Variants in SPOCK3 observed in about 807,000 individuals in gnomAD.
SPOCK3 encodes testican-3.
Under a neutral mutation model 56.6 loss-of-function variants are expected in SPOCK3, and 30 were observed. The observed-to-expected ratio is 0.53, with a 90% CI of 0.40 to 0.72. The LOEUF is 0.72. Among genes scored for constraint, SPOCK3 ranks in the 30% least tolerant of loss-of-function variants. The pLI is 0.00. For missense variants in SPOCK3, 527 were observed against 530.0 expected, an observed-to-expected ratio of 0.99 and a Z score of 0.06; for synonymous variants, 196 against 183.3, an observed-to-expected ratio of 1.07 and a Z score of -0.56.
intron 2 of SPOCK3, among the ~76,000 whole-genome samples, chr4:167,198,480 TACATCTAAAATG>T (rs1256568771): frequency 1.3e-5 from 2 of 152,150 alleles, no homozygotes; most frequent in Non-Finnish European, 2.9e-5. Context: ...TGCCCACACA[TACATCTAAAATG>T]ACCAAATGTC....
chr4:167,196,533 T>TA (rs1022618468), intron 2 of SPOCK3, among the ~76,000 whole-genome samples: 1 of 152,062 alleles, frequency 6.6e-6, no homozygotes, highest in Non-Finnish European at 1.5e-5. Context: ...TTTTTACATT[T>TA]AGAGTGCCTT....
intron 7 of SPOCK3, among the ~76,000 whole-genome samples, chr4:166,788,935 TACTGATGCAA>T (rs1490192208): frequency 6.6e-6 from 1 of 151,142 alleles, no homozygotes; most frequent in Non-Finnish European, 1.5e-5. Flanking sequence ...TCAAATATAA[TACTGATGCAA>T]ACCCAAAATT....
At position 166,761,895 on chromosome 4, in the gene SPOCK3, T is replaced by TA. The variant is rs748340803; in HGVS notation, c.710-7167dup. Among the ~76,000 whole-genome samples, 451 of 103,434 alleles carry TA rather than the reference T, an allele frequency of 4.4e-3. 114 individuals are homozygous for TA. The highest frequency in any genetic ancestry group is 9.3e-3 in the East Asian group (21 of 2,254). The allele number at this position is 103,434 out of a possible 152,430, so 67.9% of individuals were successfully genotyped here. A position where few individuals can be genotyped will look rare whatever the true frequency, so the allele number is the denominator to read the frequency against. Reference sequence around the variant, plus strand: ...ATGTACCCTAAAACTTAGAGTATAATAAAAAAAAAAAAAAAAAAAAAAAAA... The same window carrying TA: ...ATGTACCCTAAAACTTAGAGTATAATAAAAAAAAAAAAAAAAAAAAAAAAAA... On this transcript the variant is annotated intron_variant, in intron 7 of 10. Transcript: ENST00000357545.
chr4:167,132,971 T>G (rs943415377), intron 2 of SPOCK3, among the ~76,000 whole-genome samples: 1 of 152,170 alleles, frequency 6.6e-6, no homozygotes, highest in Admixed American at 6.5e-5. Context: ...TTGACATGGA[T>G]GTATCTTTTT....
chr4:167,066,267 C>T (rs6839300), intron 2 of SPOCK3, among the ~76,000 whole-genome samples: 151,861 of 151,946 alleles, frequency 1, 75,888 homozygotes, highest in Non-Finnish European at 1. Flanking sequence ...GATAATTCTT[C>T]GTTGTGTTAG....
At chr4:166,767,362 G>C (rs1738236183) in intron 7 of SPOCK3, among the ~76,000 whole-genome samples, 1 of 152,118 alleles carries the variant, frequency 6.6e-6, no homozygotes, top group Admixed American at 6.6e-5. Flanking sequence ...TGCTTTAAAT[G>C]TGTCCCAGAG....
At chr4:167,154,167 A>G (rs919201813) in intron 2 of SPOCK3, among the ~76,000 whole-genome samples, 2 of 152,126 alleles carry the variant, frequency 1.3e-5, no homozygotes, top group Admixed American at 6.6e-5. Context: ...AGGGGTTCAT[A>G]GACTTCACGT....
At chr4:167,184,051 T>C (rs995986183) in intron 2 of SPOCK3, among the ~76,000 whole-genome samples, 5 of 152,194 alleles carry the variant, frequency 3.3e-5, no homozygotes, top group Non-Finnish European at 2.9e-5. Flanking sequence ...TAACTTCCCA[T>C]TTGTTCTTGT....
At chr4:167,186,615 A>G (rs1289279043) in intron 2 of SPOCK3, among the ~76,000 whole-genome samples, 1 of 151,980 alleles carries the variant, frequency 6.6e-6, no homozygotes, top group Admixed American at 6.5e-5. Flanking sequence ...CAACAAGAGC[A>G]AAACTCTGTC....
intron 3 of SPOCK3, among the ~76,000 whole-genome samples, chr4:167,059,854 G>A (rs1392595186): frequency 6.6e-6 from 1 of 152,074 alleles, no homozygotes; most frequent in Non-Finnish European, 1.5e-5. Flanking sequence ...CCTTTATAGC[G>A]ACATGGATGA....
intron 6 of SPOCK3, among the ~76,000 whole-genome samples, chr4:166,887,312 T>C (rs1734302816): frequency 6.6e-6 from 1 of 152,172 alleles, no homozygotes; most frequent in African/African-American, 2.4e-5. Flanking sequence ...TCAAAGTCTG[T>C]GATACATTAG....
At chr4:166,765,894 G>A (rs1187444420) in intron 7 of SPOCK3, among the ~76,000 whole-genome samples, 1 of 152,108 alleles carries the variant, frequency 6.6e-6, no homozygotes, top group East Asian at 1.9e-4. Flanking sequence ...CCTTGAAGAG[G>A]TCCTTCACAT....
chr4:167,234,202 G>C (rs765547309), intron 1 of SPOCK3, 29 bp from the exon 2 acceptor site: 6 of 1,608,686 alleles, frequency 3.7e-6, no homozygotes, highest in Non-Finnish European at 5.1e-6. Context: ...CGGGGGGTGG[G>C]GGGGCATGTC....
At chr4:166,749,975 T>C (rs11935104) in intron 8 of SPOCK3, among the ~76,000 whole-genome samples, 119,906 of 151,808 alleles carry the variant, frequency 0.79, 47,604 homozygotes, top group South Asian at 0.82. Context: ...TAATGTCTAC[T>C]TGAACACCCT....
chr4:166,778,183 A>T (rs1739778944), intron 7 of SPOCK3, among the ~76,000 whole-genome samples: 2 of 152,198 alleles, frequency 1.3e-5, no homozygotes, highest in Admixed American at 6.6e-5. Context: ...AAACATAAAT[A>T]TTTACAATAA....
intron 2 of SPOCK3, among the ~76,000 whole-genome samples, chr4:167,101,133 G>A (rs1252732756): frequency 6.6e-6 from 1 of 152,070 alleles, no homozygotes; most frequent in Non-Finnish European, 1.5e-5. Context: ...TTAAGTGGTG[G>A]CTGTTTTCTT....
In SPOCK3 at chr4:166,804,609, A is replaced by T. The variant is rs147003527; in HGVS notation, c.590-12320T>A. 3.3e-4 allele frequency among the ~76,000 whole-genome samples: 50 copies of T among 152,262 alleles called. No individual in the cohort carries two copies. The East Asian group carries it at 9.5e-3, about 29-fold the overall frequency. On this transcript the variant is annotated intron_variant, in intron 6 of 10. Coordinates refer to ENST00000357545, the MANE Select transcript of SPOCK3 (RefSeq NM_001040159.2). ...AAATACATGTTTTTAGATATATTTT[A>T]AATCTTCATATACATTTAGAAATCT...
chr4:166,825,299 G>A (rs779420116), intron 6 of SPOCK3, among the ~76,000 whole-genome samples: 18 of 151,866 alleles, frequency 1.2e-4, no homozygotes, highest in South Asian at 2.1e-4. Flanking sequence ...TTATTGTTAC[G>A]TTAATTTACT....
chr4:167,004,166 T>A (rs1749229971), intron 3 of SPOCK3, among the ~76,000 whole-genome samples: 1 of 152,156 alleles, frequency 6.6e-6, no homozygotes, highest in Admixed American at 6.6e-5. Flanking sequence ...CATTGTTAAG[T>A]GGAACTTACA....
Sources: gnomAD v4.1 joint callset for allele counts (sites outside exome capture counted in the v4.1 genomes callset) on GRCh38, gnomAD v4.1.1 for gene constraint, MANE v1.5 for transcripts, NCBI Gene and HGNC (gene_info 2026-07-23, HGNC 2026-07-21) for gene names.